Variants in PRC1 observed in about 807,000 individuals in gnomAD.
The protein encoded by PRC1 is protein regulator of cytokinesis 1, also known as anaphase spindle elongation 1 homolog.
PRC1 carries 54 observed loss-of-function variants against 91.2 expected under a neutral mutation model. That is an observed-to-expected ratio of 0.59 (90% confidence interval 0.48 to 0.74). PRC1 has a LOEUF of 0.74. Among genes scored for constraint, PRC1 ranks in the 30% least tolerant of loss-of-function variants. PRC1 has a pLI of 0.00. For missense variants in PRC1, 727 were observed against 746.2 expected (o/e 0.97, Z 0.30); for synonymous variants, 275 against 263.6 (o/e 1.04, Z -0.42).
In PRC1 at chr15:90,984,817, A is replaced by T; in HGVS notation, c.20T>A (p.Leu7Gln). MRRSEVLAEESIVCLQK... is the reference protein window; with the variant it reads MRRSEVQAEESIVCLQK... ...CAGACATACTATGGACTCCTCCGCC[A>T]GCACCTCACTGAAAACCAAAAACTA... is the stretch of plus-strand genomic sequence containing the variant. Residue 7 changes from leucine to glutamine, a missense_variant, in exon 2 of 15, where the codon CTG becomes CAG. Transcript: ENST00000394249. The surrounding 1 kb of genome is among the most constrained non-coding windows in gnomAD (Gnocchi z 5.1). 5.6e-6 allele frequency: 9 copies of T among 1,614,184 alleles called. No homozygotes were observed. The highest frequency in any genetic ancestry group is 7.6e-6 in the Non-Finnish European group (9 of 1,180,020).
In PRC1 at chr15:90,966,958, A is replaced by C. The variant is rs1303533418; in HGVS notation, c.*173T>G. On this transcript the variant is annotated 3_prime_UTR_variant, in exon 15 of 15. Transcript: ENST00000394249. ...CAAGTCTCCTAGGACCACTAAACCT[A>C]TGATGGGCTTTCAACTGTAACACTC... 1.6e-6 allele frequency: 1 copy of C among 632,478 alleles called. No individual in the cohort carries two copies. The highest frequency in any genetic ancestry group is 1.8e-5 in the African/African-American group (1 of 54,396). The allele number at this position is 632,478 out of a possible 1,614,324, so 39.2% of individuals were successfully genotyped here.
rs141009805 is a variant in PRC1, at chr15:90,969,540, G to A, written c.1656C>T (p.Asn552=). Residue 552 remains asparagine, a synonymous_variant, in exon 13 of 15, where the codon AAC becomes AAT. Coordinates refer to ENST00000394249, the MANE Select transcript of PRC1 (RefSeq NM_003981.4). ...HGANKENLEL[N]GSILSGGYPG... is the part of the protein sequence containing the mutation. ...GGTACCCACCACTCAGGATGCTGCC[G>A]TTGAGCTCCAGGTTCTCCTTGTTGG... 76 of 1,613,636 alleles carry A rather than the reference G, an allele frequency of 4.7e-5. 1 individual carries two copies. The highest frequency in any genetic ancestry group is 5.6e-5 in the Non-Finnish European group (66 of 1,179,760).
At chr15:90,992,028 A>T (rs550364468) in intron 1 of PRC1, among the ~76,000 whole-genome samples, 2 of 152,172 alleles carry the variant, frequency 1.3e-5, no homozygotes, top group Admixed American at 6.5e-5. Context: ...TTTCTGGAAC[A>T]TACCAGGCGC....
chr15:90,969,388 C>G, intron 13 of PRC1, 59 bp downstream of exon 13: 4 of 1,526,678 alleles, frequency 2.6e-6, no homozygotes, highest in Non-Finnish European at 2.7e-6. Flanking sequence ...GGAAGATACC[C>G]ACTCTGCCCC....
rs3743450 is a variant in PRC1, at chr15:90,966,690, G to T, written c.*441C>A. On this transcript the variant is annotated 3_prime_UTR_variant, in exon 15 of 15. Coordinates refer to ENST00000394249, the MANE Select transcript of PRC1 (RefSeq NM_003981.4). ...GGACAAGGCTTCAGGTAAGAGCAAA[G>T]CTATGATAGCTACAGCATTAATTGA... 31,812 of 455,830 alleles carry T rather than the reference G, an allele frequency of 0.07. 1,451 individuals are homozygous for T. The highest frequency in any genetic ancestry group is 0.14 in the South Asian group (8,778 of 64,470). 28.2% of individuals were successfully genotyped at this position (455,830 alleles called of 1,614,324 possible).
At chr15:90,989,412 ATTTTT>A (rs58512103) in intron 1 of PRC1, among the ~76,000 whole-genome samples, 4 of 118,484 alleles carry the variant, frequency 3.4e-5, no homozygotes, top group Non-Finnish European at 5.1e-5. Context: ...TGCTTGGCTA[ATTTTT>A]TTTTTTTTTT....
chr15:90,979,115 C>T (rs184046027), intron 8 of PRC1, 43 bp downstream of exon 8: 85 of 1,590,232 alleles, frequency 5.3e-5, no homozygotes, highest in Non-Finnish European at 6.8e-5. Flanking sequence ...CCGTACATGG[C>T]ATGCTTTCTT....
In PRC1 at chr15:90,984,232, T is replaced by C; in HGVS notation, c.145-92A>G. On this transcript the variant is annotated intron_variant, in intron 2 of 14. Coordinates refer to ENST00000394249, the MANE Select transcript of PRC1 (RefSeq NM_003981.4). The surrounding 1 kb of genome is among the most constrained non-coding windows in gnomAD (Gnocchi z 5.1). ...AAACTCCTCAAATTTCTTTTTTCTT[T>C]TTCTTTTTTTCTTTGAGATGGAGTC... 6.7e-7 allele frequency: 1 copy of C among 1,485,346 alleles called. No homozygotes were observed. The highest frequency in any genetic ancestry group is 9.1e-7 in the Non-Finnish European group (1 of 1,102,384). 92.0% of individuals were successfully genotyped at this position (1,485,346 alleles called of 1,614,324 possible).
chr15:90,971,586 C>CTTT lies in PRC1; in HGVS notation c.1462-1075_1462-1073dup, dbSNP rs34967462. 6.9e-5 allele frequency among the ~76,000 whole-genome samples: 10 copies of CTTT among 144,182 alleles called. No individual in the cohort carries two copies. The South Asian group carries it at 1.5e-3, about 22-fold the overall frequency. 94.6% of individuals were successfully genotyped at this position (144,182 alleles called of 152,430 possible). ...CTTGAGCCACTGTACCCAGCCAACA[C>CTTT]TTTTTTTTTTTTTTTTTAATTAAAA... On this transcript the variant is annotated intron_variant, in intron 11 of 14. Transcript: ENST00000394249.
intron 11 of PRC1, among the ~76,000 whole-genome samples, chr15:90,971,118 T>C (rs191087198): frequency 2.6e-5 from 4 of 152,286 alleles, no homozygotes; most frequent in African/African-American, 9.6e-5. Flanking sequence ...AAATCCCTAC[T>C]CGCCACAGCT....
At position 90,967,221 on chromosome 15, in the gene PRC1, C is replaced by A; in HGVS notation, c.1792-19G>T. 6.3e-7 allele frequency: 1 copy of A among 1,599,632 alleles called. No homozygotes were observed. The highest frequency in any genetic ancestry group is 8.6e-7 in the Non-Finnish European group (1 of 1,166,780). On this transcript the variant is annotated intron_variant, in intron 14 of 14. Transcript: ENST00000394249. ...GTTCTCGCTGTTGAAAAATAAATAA[C>A]ATCAGTGGCCATACTGCCTCTCTTA...
rs1431347904 is a variant in PRC1, at chr15:90,981,832, G to T, written c.417C>A (p.His139Gln). The T allele has an allele frequency of 4.3e-6, 7 of 1,614,234 alleles. No homozygotes were observed. Among genetic ancestry groups the T allele is most frequent in the Non-Finnish European group, 5.9e-6 (7 of 1,180,044 alleles). ...GCACTGAGGCACTGTCAATATCATA[G>T]TGGGGCATACAAAGAATTTCGCACA... ...QELCEILCMP[H>Q]YDIDSASVPS... Residue 139 changes from histidine to glutamine, a missense_variant, in exon 4 of 15, where the codon CAC becomes CAA. Physicochemically the swap from His to Gln is conservative, Grantham distance 24. Coordinates refer to ENST00000394249, the MANE Select transcript of PRC1 (RefSeq NM_003981.4).
chr15:90,981,747 C>T lies in PRC1; in HGVS notation c.501+1G>A. 6.2e-7 allele frequency: 1 copy of T among 1,610,012 alleles called. No individual in the cohort carries two copies. Among genetic ancestry groups the T allele is most frequent in the Non-Finnish European group, 8.5e-7 (1 of 1,177,080 alleles). ...AGGAAGAACAAATGTAGGCAGTGTA[C>T]CTTTGTTTCCCTCAAAGTTGTCACA... On this transcript the variant is annotated splice_donor_variant, in intron 4 of 14. Coordinates refer to ENST00000394249, the MANE Select transcript of PRC1 (RefSeq NM_003981.4). LOFTEE classifies it high-confidence loss of function.
In PRC1 at chr15:90,970,357, G is replaced by T. The variant is rs371512267; in HGVS notation, c.1572+47C>A. 9 of 1,410,118 alleles carry T rather than the reference G, an allele frequency of 6.4e-6. No homozygotes were observed. The African/African-American group carries it at 1.1e-4, about 18-fold the overall frequency. The allele number at this position is 1,410,118 out of a possible 1,614,324, so 87.4% of individuals were successfully genotyped here. A position where few individuals can be genotyped will look rare whatever the true frequency, so the allele number is the denominator to read the frequency against. ...AGTAGGTGGGGCCTCTGGGTGAACAGGCTAGGGACGCATGTGAGGATGTGC... is the reference window on the plus strand; with the variant it reads ...AGTAGGTGGGGCCTCTGGGTGAACATGCTAGGGACGCATGTGAGGATGTGC... On this transcript the variant is annotated intron_variant, in intron 12 of 14. Transcript: ENST00000394249.
intron 7 of PRC1, among the ~76,000 whole-genome samples, chr15:90,979,850 C>T (rs2039040675): frequency 6.6e-6 from 1 of 152,188 alleles, no homozygotes; most frequent in Admixed American, 6.5e-5. Flanking sequence ...GGGTTTGACA[C>T]TGCACCTGGC....
In PRC1 at chr15:90,981,945, CTT is replaced by C; in HGVS notation, c.302_303del (p.Lys101ArgfsTer40). ...EGETTILQLE[K>X]DLRTQVELMR... Reference sequence around the variant, plus strand: ...ATCAATTCCACTTGGGTGCGCAAATCTTTTTCTAGTTGCAAGATGGTCGTCTC... The same window carrying C: ...ATCAATTCCACTTGGGTGCGCAAATCTTTCTAGTTGCAAGATGGTCGTCTC... On this transcript the variant is annotated frameshift_variant, in exon 4 of 15. Coordinates refer to ENST00000394249, the MANE Select transcript of PRC1 (RefSeq NM_003981.4). LOFTEE classifies it high-confidence loss of function. 6.2e-7 allele frequency: 1 copy of C among 1,614,136 alleles called. No individual in the cohort carries two copies. The highest frequency in any genetic ancestry group is 1.1e-5 in the South Asian group (1 of 91,078).
In PRC1 at chr15:90,966,496, A is replaced by G; in HGVS notation, c.*635T>C. Reference sequence around the variant, plus strand: ...AGCGTTCCGACAAGCATGTGTGTTCATACATGCATACCCCCAACAAAGGGC... The same window carrying G: ...AGCGTTCCGACAAGCATGTGTGTTCGTACATGCATACCCCCAACAAAGGGC... On this transcript the variant is annotated 3_prime_UTR_variant, in exon 15 of 15. Coordinates refer to ENST00000394249, the MANE Select transcript of PRC1 (RefSeq NM_003981.4). 2.3e-6 allele frequency: 1 copy of G among 444,012 alleles called. No individual in the cohort carries two copies. Among genetic ancestry groups the G allele is most frequent in the South Asian group, 1.6e-5 (1 of 63,364 alleles). The allele number at this position is 444,012 out of a possible 1,614,324, so 27.5% of individuals were successfully genotyped here.
chr15:90,976,833 T>C (rs2038743590), intron 8 of PRC1, 62 bp from the exon 9 acceptor site: 5 of 1,390,504 alleles, frequency 3.6e-6, no homozygotes, highest in Middle Eastern at 1.8e-4. Context: ...TAACTTCTGC[T>C]AAGATTCTTT....
Position 90,972,062 on chromosome 15 carries a change from C to T in PRC1, c.1462-1548G>A, listed in dbSNP as rs575526105. 8.0e-4 allele frequency among the ~76,000 whole-genome samples: 119 copies of T among 148,812 alleles called. 4 individuals are homozygous for T. In the South Asian group the frequency reaches 0.021, roughly 27 times the overall value. Reference sequence around the variant, plus strand: ...AAACCAAAAAAAACACATTTTAGGCCAGGCACAGTGGCTCATGCCTGTAAT... The same window carrying T: ...AAACCAAAAAAAACACATTTTAGGCTAGGCACAGTGGCTCATGCCTGTAAT... On this transcript the variant is annotated intron_variant, in intron 11 of 14. Coordinates refer to ENST00000394249, the MANE Select transcript of PRC1 (RefSeq NM_003981.4).
Sources: allele counts gnomAD v4.1 joint callset (sites outside exome capture counted in the v4.1 genomes callset), GRCh38; gene constraint gnomAD v4.1.1; non-coding constraint Gnocchi (gnomAD v3.1); transcripts MANE v1.5; gene names NCBI Gene and HGNC (gene_info 2026-07-23, HGNC 2026-07-21).